HEMK2: variants seen among roughly 807,000 people sequenced by gnomAD.
HEMK2 encodes methyltransferase HEMK2.
chr21:28,778,996 C>T, the HEMK2 span, among the ~76,000 whole-genome samples: 1 of 152,108 alleles, frequency 6.6e-6, no homozygotes, highest in Non-Finnish European at 1.5e-5. Context: ...CAGATCAACC[C>T]AAAGGGAAGC....
chr21:28,695,266 C>T, the HEMK2 span, among the ~76,000 whole-genome samples: 1 of 152,118 alleles, frequency 6.6e-6, no homozygotes, highest in Non-Finnish European at 1.5e-5. Context: ...TTAACCCCTC[C>T]AAATCTCATG....
the HEMK2 span, among the ~76,000 whole-genome samples, chr21:28,702,167 T>C: frequency 2.0e-5 from 3 of 152,074 alleles, no homozygotes; most frequent in Admixed American, 6.6e-5. Flanking sequence ...TATTACCATA[T>C]ACAAAAACCA....
chr21:28,612,157 T>C, the HEMK2 span, among the ~76,000 whole-genome samples: 4 of 144,102 alleles, frequency 2.8e-5, no homozygotes, highest in Non-Finnish European at 4.5e-5. Flanking sequence ...CTGATGAACA[T>C]AGATGCAAAA....
At chr21:28,586,071 CT>C in the HEMK2 span, among the ~76,000 whole-genome samples, 10 of 152,200 alleles carry the variant, frequency 6.6e-5, no homozygotes, top group African/African-American at 2.4e-4. Flanking sequence ...AATGTTGCCC[CT>C]GGGAAAGATC....
chr21:28,592,740 G>T, the HEMK2 span, among the ~76,000 whole-genome samples: 417 of 152,310 alleles, frequency 2.7e-3, 5 homozygotes, highest in Non-Finnish European at 5.6e-4. Flanking sequence ...CGGCATCAGA[G>T]GAGGAGACTG....
the HEMK2 span, chr21:28,671,008 A>G: frequency 1.3e-5 from 2 of 152,220 alleles, no homozygotes; most frequent in Non-Finnish European, 2.9e-5. Context: ...TATATCAAAG[A>G]AAGTGATGCA....
chr21:28,752,116 T>C, the HEMK2 span, among the ~76,000 whole-genome samples: 1 of 152,258 alleles, frequency 6.6e-6, no homozygotes, highest in Non-Finnish European at 1.5e-5. Context: ...AATTAAAGTA[T>C]CATGTGAAAG....
chr21:28,788,993 G>C, the HEMK2 span, among the ~76,000 whole-genome samples: 1 of 152,112 alleles, frequency 6.6e-6, no homozygotes, highest in South Asian at 2.1e-4. Flanking sequence ...ACAGAAACAA[G>C]GAGAGAGGCG....
chr21:28,763,565 G>A, the HEMK2 span, among the ~76,000 whole-genome samples: 1 of 152,080 alleles, frequency 6.6e-6, no homozygotes, highest in Non-Finnish European at 1.5e-5. Context: ...GAGATTTGGA[G>A]GGGACGGACA....
the HEMK2 span, among the ~76,000 whole-genome samples, chr21:28,841,964 T>A: frequency 6.6e-6 from 1 of 152,210 alleles, no homozygotes; most frequent in African/African-American, 2.4e-5. Context: ...TTGAGGCTGC[T>A]TTCCTTTGGA....
chr21:28,724,084 C>T, the HEMK2 span, among the ~76,000 whole-genome samples: 1 of 152,178 alleles, frequency 6.6e-6, no homozygotes, highest in African/African-American at 2.4e-5. Context: ...TGAGGAACCA[C>T]CCAAGAGAGA....
chr21:28,592,235 T>C, the HEMK2 span, among the ~76,000 whole-genome samples: 3 of 152,252 alleles, frequency 2.0e-5, no homozygotes, highest in Non-Finnish European at 4.4e-5. Flanking sequence ...TTTTTAGTAA[T>C]AGCTATTCTT....
At chr21:28,753,400 T>C in the HEMK2 span, among the ~76,000 whole-genome samples, 1 of 151,672 alleles carries the variant, frequency 6.6e-6, no homozygotes, top group Non-Finnish European at 1.5e-5. Flanking sequence ...CATGTTTACA[T>C]TTTTCCAGAA....
At chr21:28,703,523 T>G in the HEMK2 span, among the ~76,000 whole-genome samples, 1 of 152,222 alleles carries the variant, frequency 6.6e-6, no homozygotes, top group Non-Finnish European at 1.5e-5. Flanking sequence ...ACAATAATGC[T>G]CCATGTTACT....
At chr21:28,831,606 G>A in the HEMK2 span, among the ~76,000 whole-genome samples, 436 of 67,924 alleles carry the variant, frequency 6.4e-3, no homozygotes, top group Middle Eastern at 0.023. Flanking sequence ...AAGGAAAGAA[G>A]GAAAGAAGGA....
At chr21:28,587,415 T>C in the HEMK2 span, among the ~76,000 whole-genome samples, 1 of 152,226 alleles carries the variant, frequency 6.6e-6, no homozygotes, top group Non-Finnish European at 1.5e-5. Context: ...TTTAAACAAA[T>C]AGATTAGTTC....
At chr21:28,832,375 T>C in the HEMK2 span, among the ~76,000 whole-genome samples, 1 of 152,346 alleles carries the variant, frequency 6.6e-6, no homozygotes, top group Middle Eastern at 3.4e-3. Context: ...TGGAGTCTTC[T>C]TGTTCTTCTC....
the HEMK2 span, among the ~76,000 whole-genome samples, chr21:28,737,430 G>A: frequency 1.3e-5 from 2 of 152,140 alleles, no homozygotes; most frequent in Non-Finnish European, 2.9e-5. Flanking sequence ...CAATCCCTCA[G>A]TGGAGTTTTA....
chr21:28,880,297 A>G, the HEMK2 span, among the ~76,000 whole-genome samples: 1 of 152,226 alleles, frequency 6.6e-6, no homozygotes, highest in South Asian at 2.1e-4. Flanking sequence ...ACAACTATAT[A>G]TGCTAACATT....
Sources: allele counts gnomAD v4.1 joint callset (sites outside exome capture counted in the v4.1 genomes callset), GRCh38; gene constraint gnomAD v4.1.1; transcripts MANE v1.5; gene names NCBI Gene and HGNC (gene_info 2026-07-23, HGNC 2026-07-21).